The following MYO1D variants were observed in gnomAD, a reference collection of about 807,000 sequenced individuals.
MYO1D encodes myosin ID, also known as unconventional myosin-Id.
A neutral mutation model predicts 122.0 loss-of-function variants in MYO1D; 83 were observed. The observed-to-expected ratio is 0.68, with a 90% CI of 0.57 to 0.82. The LOEUF (loss-of-function observed/expected upper bound fraction) is 0.82. Among genes scored for constraint, MYO1D ranks in the 40% least tolerant of loss-of-function variants. The probability of loss-of-function intolerance (pLI) is 0.00; values close to 1 mark genes in which losing one functional copy is unlikely to be tolerated. For synonymous variants in MYO1D, 464 were observed against 446.9 expected (o/e 1.04, Z -0.48); for missense variants, 1,157 against 1,269.5 (o/e 0.91, Z 1.35).
chr17:32,638,368 T>A (rs1380225589), intron 20 of MYO1D, among the ~76,000 whole-genome samples: 1 of 152,094 alleles, frequency 6.6e-6, no homozygotes, highest in Non-Finnish European at 1.5e-5. Flanking sequence ...AAAGTAATAT[T>A]TTAAGTAATC....
intron 6 of MYO1D, among the ~76,000 whole-genome samples, chr17:32,767,957 C>T (rs569255077): frequency 6.6e-6 from 1 of 152,328 alleles, no homozygotes; most frequent in Admixed American, 6.5e-5. Flanking sequence ...TGAAAGCCAT[C>T]ACCTAAAATA....
intron 21 of MYO1D, among the ~76,000 whole-genome samples, chr17:32,543,607 A>G (rs1257371961): frequency 6.8e-6 from 1 of 146,876 alleles, no homozygotes; most frequent in East Asian, 1.9e-4. Flanking sequence ...AATAAAAAAT[A>G]AAAATAAAAA....
At position 32,745,246 on chromosome 17, in the gene MYO1D, A is replaced by G. The variant is rs1465559448; in HGVS notation, c.1578T>C (p.Thr526=). Residue 526 remains threonine (T), a synonymous_variant, in exon 13 of 22, where the codon ACT becomes ACC. Coordinates refer to ENST00000318217, the MANE Select transcript of MYO1D (RefSeq NM_015194.3). The part of the protein sequence containing the change: ...VIGFIDKNKD[T]LFQDFKRLMY... ...TAAGGCGCTTGAAATCTTGAAATAA[A>G]GTATCTTTATTTTTGTCAATAAAAC... The G allele has an allele frequency of 6.5e-7, 1 of 1,546,466 alleles. No individual in the cohort carries two copies. The highest frequency in any genetic ancestry group is 2.3e-5 in the East Asian group (1 of 44,380).
At chr17:32,860,973 T>C (rs1290720305) in intron 1 of MYO1D, among the ~76,000 whole-genome samples, 1 of 152,178 alleles carries the variant, frequency 6.6e-6, no homozygotes, top group Non-Finnish European at 1.5e-5. Flanking sequence ...ATTCACTTAT[T>C]TCAAATCAAC....
At chr17:32,853,187 CTG>C (rs767907698) in intron 1 of MYO1D, among the ~76,000 whole-genome samples, 3 of 152,242 alleles carry the variant, frequency 2.0e-5, no homozygotes, top group Non-Finnish European at 4.4e-5. Context: ...AACCACGCCT[CTG>C]TGTCTCTCTT....
intron 1 of MYO1D, among the ~76,000 whole-genome samples, chr17:32,794,772 G>A (rs887413626): frequency 1.3e-5 from 2 of 152,148 alleles, no homozygotes; most frequent in Admixed American, 6.6e-5. Context: ...GGGCCAGAGC[G>A]CGCAAGGCCT....
intron 21 of MYO1D, among the ~76,000 whole-genome samples, chr17:32,569,199 T>C (rs991270956): frequency 1.3e-5 from 2 of 152,352 alleles, no homozygotes; most frequent in East Asian, 3.9e-4. Context: ...CTGATTTCCA[T>C]GTGAGTGTAT....
chr17:32,820,440 G>A (rs2090650818), intron 1 of MYO1D, among the ~76,000 whole-genome samples: 1 of 152,148 alleles, frequency 6.6e-6, no homozygotes, highest in African/African-American at 2.4e-5. Context: ...ATACTATTCA[G>A]TTTTAAAAAG....
intron 1 of MYO1D, among the ~76,000 whole-genome samples, chr17:32,844,972 C>T (rs1298043947): frequency 2.0e-5 from 3 of 151,280 alleles, no homozygotes; most frequent in East Asian, 3.9e-4. Context: ...GTCAACAGTA[C>T]ACCTTTTAAA....
intron 16 of MYO1D, among the ~76,000 whole-genome samples, chr17:32,695,593 A>G (rs1331566004): frequency 6.6e-6 from 1 of 152,218 alleles, no homozygotes; most frequent in Non-Finnish European, 1.5e-5. Flanking sequence ...GGTAGAATAG[A>G]TAACTTGATA....
At chr17:32,831,488 G>T (rs1315795780) in intron 1 of MYO1D, among the ~76,000 whole-genome samples, 1 of 152,208 alleles carries the variant, frequency 6.6e-6, no homozygotes, top group Non-Finnish European at 1.5e-5. Context: ...CAGATAATGA[G>T]ATACTTAGTA....
intron 1 of MYO1D, among the ~76,000 whole-genome samples, chr17:32,865,209 A>C (rs2091113492): frequency 6.6e-6 from 1 of 152,212 alleles, no homozygotes; most frequent in Non-Finnish European, 1.5e-5. Flanking sequence ...TTGACTATAA[A>C]ATTTATCTTG....
intron 16 of MYO1D, among the ~76,000 whole-genome samples, chr17:32,683,020 C>T (rs1342052996): frequency 1.7e-5 from 2 of 117,898 alleles, no homozygotes; most frequent in South Asian, 3.3e-4. Flanking sequence ...CGCTGATACC[C>T]TTTCTTCCAG....
At chr17:32,862,445 T>C (rs1261923534) in intron 1 of MYO1D, among the ~76,000 whole-genome samples, 1 of 152,218 alleles carries the variant, frequency 6.6e-6, no homozygotes, top group South Asian at 2.1e-4. Context: ...GATACCATGC[T>C]ATGTGAGAAA....
chr17:32,646,067 A>G (rs2150945080), intron 19 of MYO1D, among the ~76,000 whole-genome samples: 1 of 152,208 alleles, frequency 6.6e-6, no homozygotes, highest in East Asian at 1.9e-4. Context: ...ATGGTGACGT[A>G]CAGATGGGGT....
chr17:32,782,134 G>C (rs147623993), intron 1 of MYO1D, among the ~76,000 whole-genome samples: 4 of 152,156 alleles, frequency 2.6e-5, no homozygotes, highest in Non-Finnish European at 5.9e-5. Context: ...CCTTTAAGCT[G>C]GAATGAAGGC....
chr17:32,847,968 G>A (rs1311784463), intron 1 of MYO1D, among the ~76,000 whole-genome samples: 1 of 152,190 alleles, frequency 6.6e-6, no homozygotes, highest in Non-Finnish European at 1.5e-5. Flanking sequence ...CACTAACTGA[G>A]AAGCCGTAAA....
intron 13 of MYO1D, among the ~76,000 whole-genome samples, chr17:32,744,368 A>C (rs1379853246): frequency 6.6e-6 from 1 of 152,110 alleles, no homozygotes; most frequent in Admixed American, 6.5e-5. Context: ...TGTACCCTTC[A>C]ATCTGTTACC....
chr17:32,724,848 C>T (rs2089554171), intron 14 of MYO1D, among the ~76,000 whole-genome samples: 1 of 152,146 alleles, frequency 6.6e-6, no homozygotes, highest in African/African-American at 2.4e-5. Context: ...CTAAAAGAAG[C>T]AAAATTAACT....
Sources: gnomAD v4.1 joint callset for allele counts (sites outside exome capture counted in the v4.1 genomes callset) on GRCh38, gnomAD v4.1.1 for gene constraint, MANE v1.5 for transcripts, NCBI Gene and HGNC (gene_info 2026-07-23, HGNC 2026-07-21) for gene names.